The following TMEM161B variants were observed in gnomAD, a reference collection of about 807,000 sequenced individuals.
TMEM161B encodes the protein transmembrane protein 161B.
In TMEM161B, 34 loss-of-function variants were observed where a neutral mutation model predicts 61.8. The ratio of observed to expected loss-of-function variants is 0.55; its 90% confidence interval spans 0.42 to 0.73. TMEM161B has a LOEUF of 0.73. Among genes scored for constraint, TMEM161B ranks in the 30% least tolerant of loss-of-function variants. TMEM161B has a pLI of 0.00. For synonymous variants in TMEM161B, 167 were observed against 192.8 expected, an observed-to-expected ratio of 0.87 and a Z score of 1.11; for missense variants, 456 against 558.5, an observed-to-expected ratio of 0.82 and a Z score of 1.85.
intron 1 of TMEM161B, among the ~76,000 whole-genome samples, chr5:88,267,826 T>G (rs887801770): frequency 6.6e-6 from 1 of 151,130 alleles, no homozygotes; most frequent in African/African-American, 2.4e-5. Context: ...CTTGCTGAAG[T>G]ACCTGTCCCA....
intron 9 of TMEM161B, chr5:88,202,342 A>G (rs1744574453): frequency 3.8e-6 from 1 of 261,056 alleles, no homozygotes; most frequent in Non-Finnish European, 7.7e-6. Context: ...GCCTAACTGT[A>G]GAAATATAAA....
At chr5:88,251,253 T>A (rs1754308713) in intron 1 of TMEM161B, among the ~76,000 whole-genome samples, 1 of 152,070 alleles carries the variant, frequency 6.6e-6, no homozygotes, top group South Asian at 2.1e-4. Context: ...GTGGTTAGTC[T>A]GAAAAACATC....
chr5:88,255,133 T>C (rs1005406432), intron 1 of TMEM161B, among the ~76,000 whole-genome samples: 1 of 152,226 alleles, frequency 6.6e-6, no homozygotes, highest in Admixed American at 6.5e-5. Context: ...AAACTATGTA[T>C]GTGGAACTGA....
chr5:88,187,866 T>C (rs891652596), downstream of TMEM161B, among the ~76,000 whole-genome samples: 5 of 152,214 alleles, frequency 3.3e-5, no homozygotes, highest in African/African-American at 7.2e-5. Context: ...TGATCTCTTA[T>C]AGCTTCTTGA....
chr5:88,266,481 A>C (rs1200215016), intron 1 of TMEM161B, among the ~76,000 whole-genome samples: 1 of 152,174 alleles, frequency 6.6e-6, no homozygotes, highest in African/African-American at 2.4e-5. Context: ...AAAAATGTTG[A>C]GTAGTCATGG....
intron 5 of TMEM161B, among the ~76,000 whole-genome samples, chr5:88,218,961 TA>T (rs71613075): frequency 0.43 from 64,747 of 151,900 alleles, 15,372 homozygotes; most frequent in East Asian, 0.61. Flanking sequence ...AGAATATCTT[TA>T]AAAAGAGCTC....
chr5:88,198,819 A>G (rs1031817380), intron 10 of TMEM161B, 157 bp downstream of exon 10: 2 of 688,596 alleles, frequency 2.9e-6, no homozygotes, highest in Non-Finnish European at 4.6e-6. Context: ...AAATCAGATC[A>G]AGGTCTCTTT....
At chr5:88,187,442 G>A (rs919404139), downstream of TMEM161B, among the ~76,000 whole-genome samples, 1 of 152,076 alleles carries the variant, frequency 6.6e-6, no homozygotes, top group Non-Finnish European at 1.5e-5. Flanking sequence ...ACAACATTGA[G>A]TCTTCCAATA....
At chr5:88,229,492 T>G (rs1004829116) in intron 2 of TMEM161B, among the ~76,000 whole-genome samples, 4 of 143,944 alleles carry the variant, frequency 2.8e-5, no homozygotes, top group African/African-American at 5.4e-5. Flanking sequence ...GTTATTGGTT[T>G]TTTTTTTTTT....
At chr5:88,228,335 A>T (rs1750398610) in intron 3 of TMEM161B, 110 bp downstream of exon 3, 3 of 794,268 alleles carry the variant, frequency 3.8e-6, no homozygotes, top group African/African-American at 3.6e-5. Context: ...TCTCAAATTT[A>T]TCAACTACTT....
downstream of TMEM161B, among the ~76,000 whole-genome samples, chr5:88,186,554 TATTTC>T (rs992102414): frequency 1.1e-4 from 17 of 152,214 alleles, no homozygotes; most frequent in African/African-American, 3.4e-4. Flanking sequence ...GCAAGTATTT[TATTTC>T]AAGTTTTAAC....
chr5:88,264,135 G>C (rs765840021), intron 1 of TMEM161B, among the ~76,000 whole-genome samples: 2 of 151,648 alleles, frequency 1.3e-5, no homozygotes, highest in Non-Finnish European at 2.9e-5. Context: ...ACTGCATCCA[G>C]TGCTAGAGTA....
chr5:88,240,817 C>G lies in TMEM161B; in HGVS notation c.103G>C (p.Gly35Arg). The G allele has an allele frequency of 6.2e-7, 1 of 1,609,864 alleles. No individual in the cohort carries two copies. Residue 35 changes from glycine (G) to arginine (R), a missense_variant, in exon 2 of 12, where the codon GGC becomes CGC. This residue lies in a region of TMEM161B where 85 missense variants were observed against 111.2 expected (regional missense o/e 0.76). Coordinates refer to ENST00000296595, the MANE Select transcript of TMEM161B (RefSeq NM_153354.5). ...YSLARWLLCN[G>R]SLRWYQHPTE... ...ATCAGCCTATCCTTGCCTTACCTGC[C>G]ATTACAGAGTAGCCATCGAGCAAGA...
rs182172230 is a variant in TMEM161B, at chr5:88,268,821, G to C, written c.-98C>G. On this transcript the variant is annotated 5_prime_UTR_variant, in exon 1 of 12. Coordinates refer to ENST00000296595, the MANE Select transcript of TMEM161B (RefSeq NM_153354.5). ...CCTTGAGCCGAGAGACTCTCAAACA[G>C]CGAAAGAGAGGGTCTTCCGGCTCTG... 4.5e-4 allele frequency: 715 copies of C among 1,588,890 alleles called. 2 individuals carry two copies. The African/African-American group carries it at 8.7e-3, about 19-fold the overall frequency.
At chr5:88,192,529 C>CA (rs1749058956), downstream of TMEM161B, among the ~76,000 whole-genome samples, 1 of 152,194 alleles carries the variant, frequency 6.6e-6, no homozygotes, top group African/African-American at 2.4e-5. Flanking sequence ...GTGTCCATGT[C>CA]AGAGTCTTCA....
chr5:88,248,827 C>A (rs1480020410), intron 1 of TMEM161B, among the ~76,000 whole-genome samples: 3 of 151,844 alleles, frequency 2.0e-5, no homozygotes, highest in Non-Finnish European at 4.4e-5. Flanking sequence ...TTTTAATTAA[C>A]CTGACTTTTA....
intron 1 of TMEM161B, among the ~76,000 whole-genome samples, chr5:88,268,031 C>A (rs1442172150): frequency 6.6e-6 from 1 of 152,082 alleles, no homozygotes; most frequent in Non-Finnish European, 1.5e-5. Context: ...CATCCCAATT[C>A]CTGACATCTT....
At chr5:88,240,069 CT>C (rs924026128) in intron 2 of TMEM161B, among the ~76,000 whole-genome samples, 47 of 151,694 alleles carry the variant, frequency 3.1e-4, no homozygotes, top group Non-Finnish European at 2.2e-4. Flanking sequence ...TATACCTATA[CT>C]TTTTTAATCT....
At chr5:88,243,003 C>T (rs1377496449) in intron 1 of TMEM161B, among the ~76,000 whole-genome samples, 1 of 151,274 alleles carries the variant, frequency 6.6e-6, no homozygotes, top group Non-Finnish European at 1.5e-5. Flanking sequence ...GATCAATTGC[C>T]TAATTTAAAA....
Sources: gnomAD v4.1 joint callset for allele counts (sites outside exome capture counted in the v4.1 genomes callset) on GRCh38, gnomAD v4.1.1 for gene constraint, gnomAD v4.1.1 regional missense constraint, MANE v1.5 for transcripts, NCBI Gene and HGNC (gene_info 2026-07-23, HGNC 2026-07-21) for gene names.